The following DNASE2B variants were observed in gnomAD, a reference collection of about 807,000 sequenced individuals.
The protein encoded by DNASE2B is deoxyribonuclease-2-beta.
Under a neutral mutation model 46.0 loss-of-function variants are expected in DNASE2B, and 43 were observed. That is an observed-to-expected ratio of 0.94 (90% CI 0.73 to 1.21). The LOEUF is 1.21. Among genes scored for constraint, DNASE2B ranks in the 50% most tolerant of loss-of-function variants. The pLI is 0.00. For missense variants in DNASE2B, 395 were observed against 414.4 expected (o/e 0.95, Z 0.41); for synonymous variants, 156 against 152.5 (o/e 1.02, Z -0.17).
At position 84,409,738 on chromosome 1, in the gene DNASE2B, G is replaced by C. The variant is rs1680556394; in HGVS notation, c.386-1100G>C. Among the ~76,000 whole-genome samples the C allele has an allele frequency of 2.0e-5, 3 of 152,262 alleles. No homozygotes were observed. In the South Asian group the frequency reaches 6.2e-4, roughly 32 times the overall value. On this transcript the variant is annotated intron_variant, in intron 3 of 5. Coordinates refer to ENST00000370665, the MANE Select transcript of DNASE2B (RefSeq NM_021233.3). ...GCTCTACCCTGCTAACTGCCACAAG[G>C]CTTTGGGGAAATGGCTCTAAAGAAG...
chr1:84,409,212 TTTTACAAAACTA>T (rs1172671095), intron 3 of DNASE2B, among the ~76,000 whole-genome samples: 5 of 152,170 alleles, frequency 3.3e-5, no homozygotes, highest in African/African-American at 1.2e-4. Flanking sequence ...TTTAAAACAT[TTTTACAAAACTA>T]CTGTAATGAC....
Position 84,414,934 on chromosome 1 carries a change from T to C in DNASE2B, c.*66T>C. 1 of 1,168,536 alleles carries C rather than the reference T, an allele frequency of 8.6e-7. No homozygotes were observed. Among genetic ancestry groups the C allele is most frequent in the Non-Finnish European group, 1.2e-6 (1 of 824,256 alleles). 72.4% of individuals were successfully genotyped at this position (1,168,536 alleles called of 1,614,324 possible). On this transcript the variant is annotated 3_prime_UTR_variant, in exon 6 of 6. Coordinates refer to ENST00000370665, the MANE Select transcript of DNASE2B (RefSeq NM_021233.3). ...ACAATGGGTCTTCTTCCATTACACC[T>C]TCTTTATATTTTAAAGGCCTGTGAA...
At chr1:84,403,303 T>C (rs536479760) in intron 2 of DNASE2B, among the ~76,000 whole-genome samples, 3 of 152,340 alleles carry the variant, frequency 2.0e-5, no homozygotes, top group Admixed American at 6.5e-5. Flanking sequence ...ATAACATCAG[T>C]TTGACTGGAT....
chr1:84,407,256 T>A (rs1009301206), intron 2 of DNASE2B, among the ~76,000 whole-genome samples: 3 of 152,196 alleles, frequency 2.0e-5, no homozygotes, highest in Non-Finnish European at 4.4e-5. Context: ...AATTCCTCCA[T>A]GTTGTACCCC....
Position 84,412,507 on chromosome 1 carries a change from A to C in DNASE2B, c.706A>C (p.Lys236Gln), listed in dbSNP as rs1680618786. Residue 236 changes from lysine to glutamine, a missense_variant, in exon 5 of 6, where the codon AAA (lysine) becomes CAA (glutamine). Physicochemically the swap from Lys to Gln is moderately conservative, Grantham distance 53 (BLOSUM62 1). Transcript: ENST00000370665. ...LTTLQSAQGQ[K>Q]FLHFAKSDSF... ...CACACTTCAGTCGGCCCAGGGACAAAAATTCCTCCATTTTGCAAAGTCGGA... is the reference window on the plus strand; with the variant it reads ...CACACTTCAGTCGGCCCAGGGACAACAATTCCTCCATTTTGCAAAGTCGGA... The C allele has an allele frequency of 9.9e-6, 16 of 1,612,454 alleles. No individual in the cohort carries two copies. The highest frequency in any genetic ancestry group is 1.4e-5 in the Non-Finnish European group (16 of 1,179,410).
chr1:84,408,308 AG>A, intron 2 of DNASE2B, 128 bp from the exon 3 acceptor site: 1 of 1,304,492 alleles, frequency 7.7e-7, no homozygotes, highest in Non-Finnish European at 9.8e-7. Context: ...GCTGCCTATT[AG>A]GGGAATAGAT....
Position 84,398,600 on chromosome 1 carries a change from A to G in DNASE2B, c.36A>G (p.Thr12=), listed in dbSNP as rs752509794. 2 of 1,613,898 alleles carry G rather than the reference A, an allele frequency of 1.2e-6. No individual in the cohort carries two copies. Among genetic ancestry groups the G allele is most frequent in the South Asian group, 2.2e-5 (2 of 91,078 alleles). The change falls in exon 1 of 6, where the codon ACA becomes ACG. Residue 12 remains threonine (T), a synonymous_variant. Transcript: ENST00000370665. The stretch of plus-strand genomic sequence containing the variant: ...AAATGATGGCAAGACTGCTAAGAAC[A>G]TCCTTTGCTTTGCTCTTCCTTGGCC... ...KQKMMARLLR[T]SFALLFLGLF...
chr1:84,413,243 C>A (rs1269736204), intron 5 of DNASE2B, among the ~76,000 whole-genome samples: 3 of 152,124 alleles, frequency 2.0e-5, no homozygotes, highest in Non-Finnish European at 4.4e-5. Flanking sequence ...CTCATCAGGG[C>A]CTTCACTTGC....
chr1:84,410,935 A>G lies in DNASE2B; in HGVS notation c.483A>G (p.Thr161=). The change falls in exon 4 of 6, where the codon ACA becomes ACG. Residue 161 remains threonine, a synonymous_variant. Transcript: ENST00000370665. ...AAGAAGGCTATGATTATCCACCCAC[A>G]GGGAGACGAAATGGACAAAGTGGCA... The part of the protein sequence containing the change: ...IPEEGYDYPP[T]GRRNGQSGIC... 6.2e-7 allele frequency: 1 copy of G among 1,613,064 alleles called. No homozygotes were observed. Among genetic ancestry groups the G allele is most frequent in the Non-Finnish European group, 8.5e-7 (1 of 1,179,538 alleles).
At chr1:84,400,029 T>A (rs1680378186) in intron 1 of DNASE2B, among the ~76,000 whole-genome samples, 1 of 152,006 alleles carries the variant, frequency 6.6e-6, no homozygotes, top group Middle Eastern at 3.4e-3. Flanking sequence ...GAAGACTTGG[T>A]GATGGATGGG....
intron 5 of DNASE2B, among the ~76,000 whole-genome samples, chr1:84,413,826 A>G (rs1680644408): frequency 6.6e-6 from 1 of 151,996 alleles, no homozygotes; most frequent in African/African-American, 2.4e-5. Flanking sequence ...TCCCCTACAA[A>G]TCTACTTTTT....
rs2101855980 is a variant in DNASE2B, at chr1:84,414,615, A to T, written c.833A>T (p.Asn278Ile). The change falls in exon 6 of 6, where the codon AAC (asparagine) becomes ATC (isoleucine). Residue 278 changes from asparagine (N) to isoleucine (I), a missense_variant. Transcript: ENST00000370665. ...CGAAAAAGACAAGAGCTTCCTTCAA[A>T]CTGCTCCCTTCCTTACCATGTCTAC... Reference protein sequence around the residue: ...WQRKRQELPSNCSLPYHVYNI... With the variant: ...WQRKRQELPSICSLPYHVYNI... 1.2e-6 allele frequency: 2 copies of T among 1,614,128 alleles called. No individual in the cohort carries two copies.
At position 84,410,830 on chromosome 1, in the gene DNASE2B, T is replaced by C. The variant is rs1245188595; in HGVS notation, c.386-8T>C. On this transcript the variant is annotated splice_region_variant and splice_polypyrimidine_tract_variant and intron_variant, in intron 3 of 5. Coordinates refer to ENST00000370665, the MANE Select transcript of DNASE2B (RefSeq NM_021233.3). ...CTGATTTATCTTTGTTAAATGTGTC[T>C]TTGGTAGGTTTACTGCTGTGGAACA... is the stretch of plus-strand genomic sequence containing the variant. The C allele has an allele frequency of 6.2e-7, 1 of 1,607,030 alleles. No individual in the cohort carries two copies. Among genetic ancestry groups the C allele is most frequent in the Admixed American group, 1.7e-5 (1 of 57,790 alleles).
At chr1:84,411,434 G>A (rs1284568187) in intron 4 of DNASE2B, among the ~76,000 whole-genome samples, 1 of 596 alleles carries the variant, frequency 1.7e-3, no homozygotes, top group African/African-American at 3.6e-3. Context: ...GGGTGTGTGT[G>A]TGTGTGTGTG....
rs1381035336 is a variant in DNASE2B, at chr1:84,408,401, G to C, written c.304-36G>C. On this transcript the variant is annotated intron_variant, in intron 2 of 5. Transcript: ENST00000370665. ...ATGTTGTGGGCGTTTGTAAGTGGAA[G>C]ATTTACGCCATTATAACCCTAATAT... 4 of 1,573,530 alleles carry C rather than the reference G, an allele frequency of 2.5e-6. No individual in the cohort carries two copies. In the African/African-American group the frequency reaches 5.5e-5, roughly 22 times the overall value.
intron 4 of DNASE2B, among the ~76,000 whole-genome samples, chr1:84,411,934 T>C (rs1011214242): frequency 1.3e-5 from 2 of 152,182 alleles, no homozygotes; most frequent in Admixed American, 6.5e-5. Context: ...TATATGTATA[T>C]GTACATTTAG....
At position 84,414,525 on chromosome 1, in the gene DNASE2B, T is replaced by C. The variant is rs767186634; in HGVS notation, c.746-3T>C. On this transcript the variant is annotated splice_region_variant and splice_polypyrimidine_tract_variant and intron_variant, in intron 5 of 5. Transcript: ENST00000370665. ...TCACTATCTTTCTCCTCCTAAACCC[T>C]AGACATCTTTGCAGCCTGGATGGCT... 2 of 1,601,338 alleles carry C rather than the reference T, an allele frequency of 1.2e-6. No homozygotes were observed. Among genetic ancestry groups the C allele is most frequent in the East Asian group, 2.2e-5 (1 of 44,820 alleles).
intron 1 of DNASE2B, among the ~76,000 whole-genome samples, chr1:84,401,499 G>A (rs1022505051): frequency 6.6e-6 from 1 of 152,202 alleles, no homozygotes; most frequent in African/African-American, 2.4e-5. Flanking sequence ...GCTTATGACA[G>A]GGGCTCAAAG....
intron 1 of DNASE2B, among the ~76,000 whole-genome samples, chr1:84,400,310 G>A (rs1680383169): frequency 6.6e-6 from 1 of 152,102 alleles, no homozygotes; most frequent in South Asian, 2.1e-4. Flanking sequence ...GGAGGTTGTG[G>A]TGAACCAAGA....
Sources: allele counts gnomAD v4.1 joint callset (sites outside exome capture counted in the v4.1 genomes callset), GRCh38; gene constraint gnomAD v4.1.1; transcripts MANE v1.5; gene names NCBI Gene and HGNC (gene_info 2026-07-23, HGNC 2026-07-21).